AAK1: variants seen among roughly 807,000 people sequenced by gnomAD.
AAK1 encodes AP2-associated protein kinase 1.
AAK1 carries 37 observed loss-of-function variants against 116.0 expected under a neutral mutation model. That is an observed-to-expected ratio of 0.32 (90% CI 0.25 to 0.42). The LOEUF (loss-of-function observed/expected upper bound fraction) is 0.42. Among genes scored for constraint, AAK1 ranks in the 10% least tolerant of loss-of-function variants. The pLI, the probability that AAK1 is intolerant of heterozygous loss-of-function variation, is 1.00. For synonymous variants in AAK1, 458 were observed against 439.9 expected, an observed-to-expected ratio of 1.04 and a Z score of -0.51; for missense variants, 919 against 1,170.6, an observed-to-expected ratio of 0.79 and a Z score of 3.14.
At chr2:69,499,266 G>A (rs1156786283) in intron 16 of AAK1, among the ~76,000 whole-genome samples, 1 of 152,074 alleles carries the variant, frequency 6.6e-6, no homozygotes, top group Non-Finnish European at 1.5e-5. Context: ...CCCTTCCTTG[G>A]ACTTCCAACA....
chr2:69,490,923 CCACACA>C (rs58662760), intron 17 of AAK1, among the ~76,000 whole-genome samples: 2 of 147,732 alleles, frequency 1.4e-5, no homozygotes, highest in Admixed American at 6.7e-5. Flanking sequence ...GTGTGTGTAC[CCACACA>C]CACACACACA....
At position 69,518,951 on chromosome 2, in the gene AAK1, T is replaced by C; in HGVS notation, c.1497+3A>G. 1 of 1,541,134 alleles carries C rather than the reference T, an allele frequency of 6.5e-7. No individual in the cohort carries two copies. The highest frequency in any genetic ancestry group is 8.8e-7 in the Non-Finnish European group (1 of 1,141,870). On this transcript the variant is annotated splice_donor_region_variant and intron_variant, in intron 12 of 21. Transcript: ENST00000409085. ...AGCAAGGGCCACACTCTGACCACCT[T>C]ACCTGCTGAGTCTGGGCCTGCTGCT...
intron 17 of AAK1, among the ~76,000 whole-genome samples, chr2:69,483,016 T>C (rs775743031): frequency 1.1e-4 from 17 of 152,208 alleles, no homozygotes; most frequent in Non-Finnish European, 1.2e-4. Flanking sequence ...TCAAGTGAAG[T>C]AGTCACTTTG....
chr2:69,613,342 A>T (rs1460282177), intron 2 of AAK1, among the ~76,000 whole-genome samples: 5 of 152,190 alleles, frequency 3.3e-5, no homozygotes, highest in Admixed American at 3.3e-4. Flanking sequence ...TGATAGGAGC[A>T]TCTTTTGTTA....
In AAK1 at chr2:69,561,046, C is replaced by G. The variant is rs1671613504; in HGVS notation, c.164-4068G>C. ...TAATTTCTAAAGATGAGCTAGAAACCCAAAATTGTATGTGAAATCTCCACA... is the reference window on the plus strand; with the variant it reads ...TAATTTCTAAAGATGAGCTAGAAACGCAAAATTGTATGTGAAATCTCCACA... On this transcript the variant is annotated intron_variant, in intron 2 of 21. Coordinates refer to ENST00000409085, the MANE Select transcript of AAK1 (RefSeq NM_014911.5). Among the ~76,000 whole-genome samples the G allele has an allele frequency of 2.6e-5, 4 of 152,084 alleles. No individual in the cohort carries two copies. The South Asian group carries it at 8.3e-4, about 32-fold the overall frequency.
chr2:69,537,132 T>G (rs1204619923), intron 5 of AAK1, among the ~76,000 whole-genome samples: 1 of 152,194 alleles, frequency 6.6e-6, no homozygotes. Context: ...TCCTCACTGG[T>G]AAAGAAGAGG....
intron 20 of AAK1, among the ~76,000 whole-genome samples, chr2:69,477,517 C>G (rs1057506502): frequency 2.7e-5 from 4 of 150,874 alleles, no homozygotes; most frequent in African/African-American, 9.7e-5. Context: ...AACTCAGAAG[C>G]CTCAGGGAAC....
At chr2:69,508,518 C>T (rs1239799794) in intron 14 of AAK1, among the ~76,000 whole-genome samples, 1 of 152,210 alleles carries the variant, frequency 6.6e-6, no homozygotes, top group African/African-American at 2.4e-5. Flanking sequence ...AGGCACAGAA[C>T]CAGTCACTGG....
chr2:69,517,266 G>C (rs979450084), intron 12 of AAK1, among the ~76,000 whole-genome samples: 4 of 152,116 alleles, frequency 2.6e-5, no homozygotes, highest in South Asian at 2.1e-4. Context: ...CCTCAGGGTA[G>C]CTAAAGAGCT....
rs70954350 is a variant in AAK1, at chr2:69,553,437, G to GTTTTTT, written c.282+3417_282+3422dup. 4.4e-3 allele frequency among the ~76,000 whole-genome samples: 347 copies of GTTTTTT among 79,598 alleles called. 33 individuals carry two copies. Among genetic ancestry groups the GTTTTTT allele is most frequent in the African/African-American group, 0.017 (318 of 18,906 alleles). 52.2% of individuals were successfully genotyped at this position (79,598 alleles called of 152,430 possible). ...AAAGATACTTCTAGAATTGAAAGTT[G>GTTTTTT]TTTTTTTTTTTTTTTTTTTTTTTTT... On this transcript the variant is annotated intron_variant, in intron 3 of 21. Transcript: ENST00000409085.
At chr2:69,558,911 T>C (rs1671508843) in intron 2 of AAK1, among the ~76,000 whole-genome samples, 1 of 152,322 alleles carries the variant, frequency 6.6e-6, no homozygotes, top group South Asian at 2.1e-4. Context: ...CTGCTGTATC[T>C]TTACATAGTT....
intron 2 of AAK1, among the ~76,000 whole-genome samples, chr2:69,639,235 T>G (rs192147498): frequency 2.0e-3 from 302 of 152,306 alleles, no homozygotes; most frequent in Admixed American, 3.5e-3. Context: ...TGTTTAAAGC[T>G]TAGATATAAG....
At chr2:69,524,489 C>A (rs1238218904) in intron 10 of AAK1, among the ~76,000 whole-genome samples, 1 of 151,936 alleles carries the variant, frequency 6.6e-6, no homozygotes, top group Non-Finnish European at 1.5e-5. Flanking sequence ...GGCTAGAGTG[C>A]GGTGGCGTGA....
At position 69,486,326 on chromosome 2, in the gene AAK1, G is replaced by C. The variant is rs973754595; in HGVS notation, c.2366-3514C>G. ...CGTGGGAGGGTAAAGAAGTACATGA[G>C]TGTACACGTGTTGTGTGGTGAGACA... On this transcript the variant is annotated intron_variant, in intron 17 of 21. Coordinates refer to ENST00000409085, the MANE Select transcript of AAK1 (RefSeq NM_014911.5). Among the ~76,000 whole-genome samples the C allele has an allele frequency of 7.2e-5, 11 of 152,144 alleles. 1 individual carries two copies. The highest frequency in any genetic ancestry group is 3.3e-4 in the Admixed American group (5 of 15,284).
intron 8 of AAK1, among the ~76,000 whole-genome samples, chr2:69,528,797 CA>C (rs1196922014): frequency 6.6e-6 from 1 of 152,074 alleles, no homozygotes; most frequent in Admixed American, 6.5e-5. Context: ...TTGTATTTCC[CA>C]ATATGAATTT....
intron 16 of AAK1, among the ~76,000 whole-genome samples, chr2:69,503,457 A>G (rs1422337125): frequency 1.3e-5 from 2 of 152,240 alleles, no homozygotes; most frequent in African/African-American, 4.8e-5. Flanking sequence ...AATGTTAAAA[A>G]AGATGCAATT....
rs1451608808 is a variant in AAK1 at position 69,525,038 on chromosome 2, C to T, written c.1050G>A (p.Lys350=). Residue 350 remains lysine, a synonymous_variant, in exon 10 of 22, where the codon AAG becomes AAA. Transcript: ENST00000409085. ...TTCATGAAGGCATTTCTTACCTGGC[C>T]TTTGGCTGGGTCTTTTTTGCAGCTG... ...SEAAAKKTQP[K]ARLTDPIPTT... is the part of the protein sequence containing the mutation. The T allele has an allele frequency of 1.9e-6, 3 of 1,613,930 alleles. No homozygotes were observed. The highest frequency in any genetic ancestry group is 2.5e-6 in the Non-Finnish European group (3 of 1,179,834).
At chr2:69,638,734 T>C (rs1675561779) in intron 2 of AAK1, among the ~76,000 whole-genome samples, 1 of 151,590 alleles carries the variant, frequency 6.6e-6, no homozygotes, top group Non-Finnish European at 1.5e-5. Flanking sequence ...ATCTGGAACA[T>C]CTGCTGGGCA....
In AAK1 at chr2:69,566,486, C is replaced by A. The variant is rs140682994; in HGVS notation, c.164-9508G>T. 5.3e-5 allele frequency among the ~76,000 whole-genome samples: 8 copies of A among 152,262 alleles called. No individual in the cohort carries two copies. The East Asian group carries it at 1.5e-3, about 29-fold the overall frequency. ...TGAGGTTTTCAACTCCCTCTCTCCC[C>A]ACTCAAGCTGTGGGCACAAAATCAG... On this transcript the variant is annotated intron_variant, in intron 2 of 21. Coordinates refer to ENST00000409085, the MANE Select transcript of AAK1 (RefSeq NM_014911.5).
Sources: allele counts gnomAD v4.1 joint callset (sites outside exome capture counted in the v4.1 genomes callset), GRCh38; gene constraint gnomAD v4.1.1; transcripts MANE v1.5; gene names NCBI Gene and HGNC (gene_info 2026-07-23, HGNC 2026-07-21).